The following ATXN1 variants were observed in gnomAD, a reference collection of about 807,000 sequenced individuals.
ATXN1 encodes the protein ataxin 1.
A neutral mutation model predicts 56.4 loss-of-function variants in ATXN1; 8 were observed. The observed-to-expected ratio is 0.14, with a 90% confidence interval of 0.08 to 0.26. The LOEUF (loss-of-function observed/expected upper bound fraction) is 0.26. ATXN1 is among the 10% of genes least tolerant of loss of function. ATXN1 has a pLI of 1.00. For synonymous variants in ATXN1, 514 were observed against 494.6 expected, an observed-to-expected ratio of 1.04 and a Z score of -0.52; for missense variants, 987 against 1,106.5, an observed-to-expected ratio of 0.89 and a Z score of 1.53.
chr6:16,312,638 G>A (rs1320520168), intron 7 of ATXN1, among the ~76,000 whole-genome samples: 1 of 152,178 alleles, frequency 6.6e-6, no homozygotes, highest in Admixed American at 6.5e-5. Context: ...ATCACCTGAG[G>A]TCAGGAGTTA....
intron 6 of ATXN1, among the ~76,000 whole-genome samples, chr6:16,397,790 T>C (rs547009623): frequency 2.0e-5 from 3 of 152,348 alleles, no homozygotes; most frequent in African/African-American, 7.2e-5. Context: ...TGTAATTGTA[T>C]GTGTGTTGGC....
intron 6 of ATXN1, among the ~76,000 whole-genome samples, chr6:16,444,284 A>G (rs1759589819): frequency 6.6e-6 from 1 of 152,196 alleles, no homozygotes; most frequent in South Asian, 2.1e-4. Flanking sequence ...TCTCACTGAA[A>G]GAAACCAGGT....
intron 5 of ATXN1, among the ~76,000 whole-genome samples, chr6:16,516,103 G>T (rs1177484140): frequency 6.6e-6 from 1 of 152,168 alleles, no homozygotes; most frequent in Non-Finnish European, 1.5e-5. Context: ...AGTTTAATTT[G>T]CCCGTGTCCT....
chr6:16,746,653 G>A (rs1488063247), intron 2 of ATXN1, among the ~76,000 whole-genome samples: 4 of 152,208 alleles, frequency 2.6e-5, no homozygotes, highest in Admixed American at 2.0e-4. Flanking sequence ...AAAAGGAGCG[G>A]AGGAAGTATT....
chr6:16,326,927 T>G lies in ATXN1; in HGVS notation c.1384A>C (p.Ile462Leu). The change falls in exon 7 of 8, where the codon ATC becomes CTC. Residue 462 changes from isoleucine to leucine, a missense_variant. By Grantham distance (5) the Ile-to-Leu change is conservative. Transcript: ENST00000436367. This position sits in a 1 kb window ranked among gnomAD's most constrained non-coding sequence, Gnocchi z 6.6. ...AFYAGTQPPV[I>L]GYLSGQQQAI... ...TGCTGCTGGCCGCTCAGGTAGCCGATGACAGGGGGTTGAGTCCCTGCGTAG... is the reference window on the plus strand; with the variant it reads ...TGCTGCTGGCCGCTCAGGTAGCCGAGGACAGGGGGTTGAGTCCCTGCGTAG... The G allele has an allele frequency of 6.2e-7, 1 of 1,613,960 alleles. No homozygotes were observed. Among genetic ancestry groups the G allele is most frequent in the Non-Finnish European group, 8.5e-7 (1 of 1,179,932 alleles).
chr6:16,490,393 A>C (rs888766393), intron 5 of ATXN1, among the ~76,000 whole-genome samples: 1 of 152,238 alleles, frequency 6.6e-6, no homozygotes, highest in Non-Finnish European at 1.5e-5. Flanking sequence ...ATACAGTCCC[A>C]AATGGCTGTC....
At chr6:16,549,203 A>G (rs1761871465) in intron 4 of ATXN1, among the ~76,000 whole-genome samples, 1 of 152,158 alleles carries the variant, frequency 6.6e-6, no homozygotes, top group Admixed American at 6.5e-5. Flanking sequence ...AACAATGATC[A>G]AAAGTATAGT....
At chr6:16,524,867 C>A (rs1481733071) in intron 4 of ATXN1, among the ~76,000 whole-genome samples, 1 of 151,938 alleles carries the variant, frequency 6.6e-6, no homozygotes, top group African/African-American at 2.4e-5. Context: ...AGCCTGGCCA[C>A]CATGGTAAAA....
At chr6:16,395,168 G>A in intron 6 of ATXN1, among the ~76,000 whole-genome samples, 1 of 150,818 alleles carries the variant, frequency 6.6e-6, no homozygotes, top group Middle Eastern at 3.2e-3. Flanking sequence ...TACTCAGGAG[G>A]CTGAGGCAGG....
chr6:16,760,253 C>T lies in ATXN1; in HGVS notation c.-730+1045G>A, dbSNP rs905469131. ...GCCTCCTCCGCGGCGGCCGCCGCCT[C>T]CTCCTCCTTCCCCTCCTCCTGGCTT... On this transcript the variant is annotated intron_variant, in intron 1 of 7. Transcript: ENST00000436367. This position sits in a 1 kb window ranked among gnomAD's most constrained non-coding sequence, Gnocchi z 5.3. Among the ~76,000 whole-genome samples, 5 of 151,960 alleles carry T rather than the reference C, an allele frequency of 3.3e-5. No individual in the cohort carries two copies. The highest frequency in any genetic ancestry group is 2.6e-4 in the Admixed American group (4 of 15,280).
chr6:16,646,567 C>T (rs1763801250), intron 3 of ATXN1, among the ~76,000 whole-genome samples: 1 of 152,236 alleles, frequency 6.6e-6, no homozygotes, highest in African/African-American at 2.4e-5. Context: ...TAACCCTGGG[C>T]TCAAACTGGT....
At chr6:16,615,797 G>A (rs1763195904) in intron 3 of ATXN1, 1 of 151,758 alleles carries the variant, frequency 6.6e-6, no homozygotes, top group Non-Finnish European at 1.5e-5. Flanking sequence ...ACTTTGGGAG[G>A]CTGAGCGGGT....
At chr6:16,428,634 CAGGG>C (rs1759210911) in intron 6 of ATXN1, among the ~76,000 whole-genome samples, 3 of 152,228 alleles carry the variant, frequency 2.0e-5, no homozygotes, top group African/African-American at 7.2e-5. Context: ...GGAAAGGAGA[CAGGG>C]AGAGTTTCAG....
intron 2 of ATXN1, among the ~76,000 whole-genome samples, chr6:16,732,403 TCTA>T (rs1356019975): frequency 6.6e-6 from 1 of 152,120 alleles, no homozygotes; most frequent in African/African-American, 2.4e-5. Flanking sequence ...AAACCCCGTC[TCTA>T]CTGAAAATAC....
rs187809663 is a variant in ATXN1 at position 16,554,835 on chromosome 6, C to A, written c.-361+30945G>T. On this transcript the variant is annotated intron_variant, in intron 4 of 7. Coordinates refer to ENST00000436367, the MANE Select transcript of ATXN1 (RefSeq NM_001128164.2). ...CGAACTCCTGACCTCAGGTGATGCA[C>A]CCGCCTCAGCCTCCCAAAGTGCTGA... is the stretch of plus-strand genomic sequence containing the variant. Among the ~76,000 whole-genome samples, 79 of 152,330 alleles carry A rather than the reference C, an allele frequency of 5.2e-4. 1 individual carries two copies. Among genetic ancestry groups the A allele is most frequent in the Admixed American group, 4.4e-3 (68 of 15,306 alleles).
At chr6:16,727,446 T>C (rs1276071285) in intron 2 of ATXN1, among the ~76,000 whole-genome samples, 2 of 152,124 alleles carry the variant, frequency 1.3e-5, no homozygotes. Flanking sequence ...AGACATCTAA[T>C]ATGAATAAGA....
intron 2 of ATXN1, among the ~76,000 whole-genome samples, chr6:16,677,088 T>A (rs1758679030): frequency 6.6e-6 from 1 of 151,976 alleles, no homozygotes; most frequent in East Asian, 1.9e-4. Flanking sequence ...CCATGGGAAA[T>A]GTAAAAAGGA....
intron 4 of ATXN1, among the ~76,000 whole-genome samples, chr6:16,548,012 G>A (rs1469449029): frequency 6.6e-6 from 1 of 152,124 alleles, no homozygotes; most frequent in Non-Finnish European, 1.5e-5. Context: ...GCATCTTCAC[G>A]TGATTCTGTT....
chr6:16,659,903 T>C lies in ATXN1; in HGVS notation c.-614-2002A>G, dbSNP rs112201456. Among the ~76,000 whole-genome samples the C allele has an allele frequency of 3.3e-5, 5 of 152,194 alleles. 1 individual carries two copies. The highest frequency in any genetic ancestry group is 1.2e-4 in the African/African-American group (5 of 41,520). On this transcript the variant is annotated intron_variant, in intron 2 of 7. Transcript: ENST00000436367. Reference sequence around the variant, plus strand: ...AACAACCTTCACCAGCTGCCAAAGCTAGGTGTCCAGAAAAGTAAGGTTTAT... The same window carrying C: ...AACAACCTTCACCAGCTGCCAAAGCCAGGTGTCCAGAAAAGTAAGGTTTAT...
Sources: gnomAD v4.1 joint callset for allele counts (sites outside exome capture counted in the v4.1 genomes callset) on GRCh38, gnomAD v4.1.1 for gene constraint, Gnocchi (gnomAD v3.1) non-coding constraint, MANE v1.5 for transcripts, NCBI Gene and HGNC (gene_info 2026-07-23, HGNC 2026-07-21) for gene names.